The following GRIK4 variants were observed in gnomAD, a reference collection of about 807,000 sequenced individuals.
The protein encoded by GRIK4 is glutamate ionotropic receptor kainate type subunit 4.
In GRIK4, 40 loss-of-function variants were observed where a neutral mutation model predicts 104.9. That is an observed-to-expected ratio of 0.38 (90% CI 0.30 to 0.50). The LOEUF (loss-of-function observed/expected upper bound fraction) is 0.50, where lower values mean the gene tolerates loss of function less well. Among genes scored for constraint, GRIK4 ranks in the 20% least tolerant of loss-of-function variants. The pLI is 0.93. For missense variants in GRIK4, 1,047 were observed against 1,308.1 expected, an observed-to-expected ratio of 0.80 and a Z score of 3.08; for synonymous variants, 485 against 524.9, an observed-to-expected ratio of 0.92 and a Z score of 1.04.
chr11:120,901,898 G>A (rs1463459678), intron 12 of GRIK4, among the ~76,000 whole-genome samples: 1 of 152,218 alleles, frequency 6.6e-6, no homozygotes, highest in Non-Finnish European at 1.5e-5. Flanking sequence ...GTGGGGTGCA[G>A]GCCGGACACT....
At chr11:120,834,596 C>A (rs1416823406) in intron 7 of GRIK4, among the ~76,000 whole-genome samples, 1 of 133,758 alleles carries the variant, frequency 7.5e-6, no homozygotes, top group African/African-American at 2.5e-5. Context: ...CCTCTCAGGG[C>A]CTCAGCAAGG....
chr11:120,527,539 C>T (rs1420295564), intron 1 of GRIK4, among the ~76,000 whole-genome samples: 1 of 152,172 alleles, frequency 6.6e-6, no homozygotes. Flanking sequence ...TTTATCTCCT[C>T]CCAGAGGCCT....
chr11:120,761,422 T>C (rs141695841), intron 3 of GRIK4, among the ~76,000 whole-genome samples: 1,577 of 152,356 alleles, frequency 0.01, 28 homozygotes, highest in African/African-American at 0.036. Context: ...GATGATAGTT[T>C]GTTTTGCTAT....
At position 120,660,332 on chromosome 11, in the gene GRIK4, C is replaced by T. The variant is rs138617238; in HGVS notation, c.14C>T (p.Ser5Leu). 1.9e-5 allele frequency: 30 copies of T among 1,613,004 alleles called. No individual in the cohort carries two copies. Among genetic ancestry groups the T allele is most frequent in the South Asian group, 1.3e-4 (12 of 91,078 alleles). The change falls in exon 3 of 21, where the codon TCG (serine) becomes TTG (leucine). Residue 5 changes from serine (S) to leucine (L), a missense_variant. Around this residue, in one of 3 missense-constraint regions of GRIK4, gnomAD observed 447 missense variants for 514.9 expected, o/e 0.87. Coordinates refer to ENST00000527524, the MANE Select transcript of GRIK4 (RefSeq NM_014619.5). MPRV[S>L]APLVLLPAWL... Reference sequence around the variant, plus strand: ...GATTCATAGAAGATGCCCCGCGTCTCGGCGCCTTTGGTGCTGCTTCCTGCG... The same window carrying T: ...GATTCATAGAAGATGCCCCGCGTCTTGGCGCCTTTGGTGCTGCTTCCTGCG...
At chr11:120,872,772 GT>G (rs1025968500) in intron 9 of GRIK4, 2 of 189,642 alleles carry the variant, frequency 1.1e-5, no homozygotes, top group South Asian at 1.1e-4. Context: ...TTGTTTGTTT[GT>G]TTTTTGCCAG....
At chr11:120,889,589 A>ATTTTTTTTTTTTTTTTT (rs369264259) in intron 11 of GRIK4, among the ~76,000 whole-genome samples, 2 of 62,452 alleles carry the variant, frequency 3.2e-5, no homozygotes, top group African/African-American at 5.9e-5. Context: ...AAGAGCTTAC[A>ATTTTTTTTTTTTTTTTT]TTTTTTTTTT....
chr11:120,962,843 G>A (rs2134736237), intron 18 of GRIK4, 162 bp downstream of exon 18: 2 of 527,206 alleles, frequency 3.8e-6, no homozygotes, highest in Admixed American at 7.1e-5. Flanking sequence ...TTTTTTTAAA[G>A]CAAACACACA....
At chr11:120,776,966 T>A (rs1952056326) in intron 3 of GRIK4, among the ~76,000 whole-genome samples, 2 of 152,052 alleles carry the variant, frequency 1.3e-5, no homozygotes, top group Non-Finnish European at 2.9e-5. Context: ...TCAACCCCCA[T>A]TGTGTTCAGG....
intron 3 of GRIK4, among the ~76,000 whole-genome samples, chr11:120,697,354 G>A (rs893377069): frequency 6.6e-6 from 1 of 152,184 alleles, no homozygotes; most frequent in Non-Finnish European, 1.5e-5. Context: ...AGTGGCTCAC[G>A]CCTGTAATCC....
Position 120,748,203 on chromosome 11 carries a change from G to T in GRIK4, c.83-54490G>T, listed in dbSNP as rs139015274. ...ACAGGTTAAACCCTCCTCTCTCCCT[G>T]CGTCCCTCCTCCTCTAGCACTTGGC... On this transcript the variant is annotated intron_variant, in intron 3 of 20. Transcript: ENST00000527524. 2.8e-3 allele frequency among the ~76,000 whole-genome samples: 420 copies of T among 151,898 alleles called. 3 individuals are homozygous for T. The highest frequency in any genetic ancestry group is 9.7e-3 in the African/African-American group (402 of 41,412).
Position 120,804,759 on chromosome 11 carries a change from T to C in GRIK4, c.247+1902T>C, listed in dbSNP as rs896228205. Among the ~76,000 whole-genome samples, 4 of 152,308 alleles carry C rather than the reference T, an allele frequency of 2.6e-5. No homozygotes were observed. In the East Asian group the frequency reaches 5.8e-4, roughly 22 times the overall value. On this transcript the variant is annotated intron_variant, in intron 4 of 20. Coordinates refer to ENST00000527524, the MANE Select transcript of GRIK4 (RefSeq NM_014619.5). ...TTCCCCCAGTGCCTCTTAATGTGCATCCCCAAGGTCTGGCTCTGATTGGAT... is the reference window on the plus strand; with the variant it reads ...TTCCCCCAGTGCCTCTTAATGTGCACCCCCAAGGTCTGGCTCTGATTGGAT...
chr11:120,709,612 A>G (rs1950690223), intron 3 of GRIK4, among the ~76,000 whole-genome samples: 3 of 152,188 alleles, frequency 2.0e-5, no homozygotes, highest in Admixed American at 2.0e-4. Flanking sequence ...GGATTTTAAT[A>G]ATAACCCTAG....
At chr11:120,779,472 G>T (rs1591902664) in intron 3 of GRIK4, among the ~76,000 whole-genome samples, 1 of 152,128 alleles carries the variant, frequency 6.6e-6, no homozygotes, top group African/African-American at 2.4e-5. Flanking sequence ...GCTAGCCAGG[G>T]GCAAGAAGGC....
rs1949167408 is a variant in GRIK4, at chr11:120,620,133, A to G, written c.-158-33552A>G. On this transcript the variant is annotated intron_variant, in intron 1 of 20. Coordinates refer to ENST00000527524, the MANE Select transcript of GRIK4 (RefSeq NM_014619.5). The stretch of plus-strand genomic sequence containing the variant: ...CAGCAAAATTGACCTGGGCCACTCA[A>G]CATGGCTTTATCATGCCTGATGTTA... 7 of 816,448 alleles carry G rather than the reference A, an allele frequency of 8.6e-6. No homozygotes were observed. The South Asian group carries it at 9.4e-5, about 11-fold the overall frequency. The allele number at this position is 816,448 out of a possible 1,614,324, so 50.6% of individuals were successfully genotyped here. A position where few individuals can be genotyped will look rare whatever the true frequency, so the allele number is the denominator to read the frequency against.
intron 1 of GRIK4, among the ~76,000 whole-genome samples, chr11:120,565,592 T>C (rs1348620311): frequency 1.3e-5 from 2 of 152,166 alleles, no homozygotes; most frequent in Non-Finnish European, 2.9e-5. Context: ...AGATCCAATA[T>C]TGTACGAGGT....
chr11:120,665,277 C>T (rs928660880), intron 3 of GRIK4, among the ~76,000 whole-genome samples: 1 of 151,984 alleles, frequency 6.6e-6, no homozygotes, highest in Non-Finnish European at 1.5e-5. Flanking sequence ...CTCCTCTGAT[C>T]ATGTTAGCAC....
chr11:120,897,527 G>A (rs1473969087), intron 11 of GRIK4, among the ~76,000 whole-genome samples: 3 of 132,308 alleles, frequency 2.3e-5, no homozygotes, highest in Admixed American at 8.9e-5. Flanking sequence ...CCAGCTACTC[G>A]GGAGGCAGAG....
chr11:120,739,712 A>G (rs1951292655), intron 3 of GRIK4, among the ~76,000 whole-genome samples: 1 of 152,216 alleles, frequency 6.6e-6, no homozygotes, highest in South Asian at 2.1e-4. Flanking sequence ...TTGGAGTCCC[A>G]AGATCTAGGG....
Position 120,799,023 on chromosome 11 carries a change from C to T in GRIK4, c.83-3670C>T, listed in dbSNP as rs2096771. ...GCAGACCCTTTGGTGTGTGCTGCCT[C>T]CTGTGGTGCAGGCGTAATTGTGGCC... On this transcript the variant is annotated intron_variant, in intron 3 of 20. Coordinates refer to ENST00000527524, the MANE Select transcript of GRIK4 (RefSeq NM_014619.5). 7.3e-3 allele frequency among the ~76,000 whole-genome samples: 1,107 copies of T among 152,266 alleles called. 7 individuals are homozygous for T. Among genetic ancestry groups the T allele is most frequent in the Middle Eastern group, 0.044 (13 of 294 alleles).
Sources: gnomAD v4.1 joint callset for allele counts (sites outside exome capture counted in the v4.1 genomes callset) on GRCh38, gnomAD v4.1.1 for gene constraint, gnomAD v4.1.1 regional missense constraint, MANE v1.5 for transcripts, NCBI Gene and HGNC (gene_info 2026-07-23, HGNC 2026-07-21) for gene names.